ZNF180: variants seen among roughly 807,000 people sequenced by gnomAD.
ZNF180 encodes zinc finger protein 180.
ZNF180 carries 11 observed loss-of-function variants against 11.8 expected under a neutral mutation model. That is an observed-to-expected ratio of 0.93 (90% CI 0.59 to 1.55). ZNF180 has a LOEUF of 1.55. Among genes scored for constraint, ZNF180 ranks in the 40% most tolerant of loss-of-function variants. The pLI is 0.00. For synonymous variants in ZNF180, 287 were observed against 257.7 expected (o/e 1.11, Z -1.09); for missense variants, 773 against 781.7 (o/e 0.99, Z 0.13).
In ZNF180 at chr19:44,479,370, G is replaced by A. The variant is rs777717482; in HGVS notation, c.166C>T (p.Arg56Trp). 33 of 1,613,884 alleles carry A rather than the reference G, an allele frequency of 2.0e-5. No individual in the cohort carries two copies. The highest frequency in any genetic ancestry group is 1.0e-4 in the Admixed American group (6 of 60,010). The change falls in exon 4 of 5, where the codon CGG (arginine) becomes TGG (tryptophan). Residue 56 changes from arginine to tryptophan, a missense_variant. Coordinates refer to ENST00000592529, the MANE Select transcript of ZNF180 (RefSeq NM_001278509.3). ...NFKIVTVDFT[R>W]EEQGTCNPAQ... ...GGGTTGCAAGTACCCTGTTCCTCCC[G>A]TGTGAAGTCCACAGTCACAATTTTG...
At chr19:44,492,320 C>T (rs1970468878) in intron 2 of ZNF180, among the ~76,000 whole-genome samples, 1 of 152,154 alleles carries the variant, frequency 6.6e-6, no homozygotes, top group African/African-American at 2.4e-5. Flanking sequence ...GAGTTTGGGA[C>T]ATAGGAATAG....
intron 1 of ZNF180, 137 bp downstream of exon 1, chr19:44,500,138 C>T: frequency 6.2e-7 from 1 of 1,612,616 alleles, no homozygotes; most frequent in East Asian, 2.2e-5. Flanking sequence ...TCCATCAACC[C>T]CGGTGACCCG....
intron 2 of ZNF180, chr19:44,484,858 A>C (rs1568428699): frequency 1.1e-5 from 2 of 175,042 alleles, no homozygotes; most frequent in Non-Finnish European, 2.4e-5. Context: ...TCAACAAATT[A>C]ATTTCATAAG....
chr19:44,482,854 G>A (rs1970118644), intron 3 of ZNF180, among the ~76,000 whole-genome samples: 1 of 152,234 alleles, frequency 6.6e-6, no homozygotes, highest in Non-Finnish European at 1.5e-5. Context: ...AAGGGAGTCA[G>A]AGAAATTAAG....
Position 44,478,163 on chromosome 19 carries a change from TAAGACATCTTA to T in ZNF180, c.254-28_254-18del. On this transcript the variant is annotated intron_variant, in intron 4 of 4. Transcript: ENST00000592529. ...TTGCCAAGTCTGAAAGAAAGCAATA[TAAGACATCTTA>T]GTCAAAAAATATTAGAGATGGAAAA... 1 of 1,523,084 alleles carries T rather than the reference TAAGACATCTTA, an allele frequency of 6.6e-7. No individual in the cohort carries two copies. Among genetic ancestry groups the T allele is most frequent in the Non-Finnish European group, 8.8e-7 (1 of 1,140,282 alleles). 94.3% of individuals were successfully genotyped at this position (1,523,084 alleles called of 1,614,324 possible). A position where few individuals can be genotyped will look rare whatever the true frequency, so the allele number is the denominator to read the frequency against.
At chr19:44,487,552 G>A (rs905477876) in intron 2 of ZNF180, among the ~76,000 whole-genome samples, 1 of 152,124 alleles carries the variant, frequency 6.6e-6, no homozygotes, top group Non-Finnish European at 1.5e-5. Context: ...AAAAAGGAGA[G>A]GAACCCTCAG....
In ZNF180 at chr19:44,495,641, C is replaced by T. The variant is rs1458913343; in HGVS notation, c.51+1643G>A. On this transcript the variant is annotated intron_variant, in intron 2 of 4. Coordinates refer to ENST00000592529, the MANE Select transcript of ZNF180 (RefSeq NM_001278509.3). This position sits in a 1 kb window ranked among gnomAD's most constrained non-coding sequence, Gnocchi z 4.5. ...CAATGAAGCACCCCCTCTCTGGATGCCTTGCTCACCTGCTCTGACCCCATC... is the reference window on the plus strand; with the variant it reads ...CAATGAAGCACCCCCTCTCTGGATGTCTTGCTCACCTGCTCTGACCCCATC... 6.6e-6 allele frequency among the ~76,000 whole-genome samples: 1 copy of T among 152,160 alleles called. No homozygotes were observed. The highest frequency in any genetic ancestry group is 1.5e-5 in the Non-Finnish European group (1 of 68,030).
At chr19:44,493,253 TG>T (rs1432883165) in intron 2 of ZNF180, among the ~76,000 whole-genome samples, 1 of 152,210 alleles carries the variant, frequency 6.6e-6, no homozygotes, top group African/African-American at 2.4e-5. Context: ...GCAGCAGTTT[TG>T]GTCTCAGTCC....
chr19:44,498,106 T>G (rs1970636757), intron 1 of ZNF180, among the ~76,000 whole-genome samples: 1 of 152,074 alleles, frequency 6.6e-6, no homozygotes, highest in African/African-American at 2.4e-5. Context: ...AGGCCCTGAA[T>G]TTGTAGCTCT....
intron 2 of ZNF180, among the ~76,000 whole-genome samples, chr19:44,493,845 C>G (rs982039835): frequency 6.6e-6 from 1 of 152,158 alleles, no homozygotes; most frequent in Non-Finnish European, 1.5e-5. Flanking sequence ...TGTACAGCAC[C>G]TCTTGCCAAC....
chr19:44,484,840 G>A, intron 2 of ZNF180: 1 of 177,314 alleles, frequency 5.6e-6, no homozygotes, highest in African/African-American at 2.4e-5. Context: ...GAATCATAAA[G>A]AAAAAGATCA....
Position 44,477,300 on chromosome 19 carries a change from G to C in ZNF180, c.1100C>G (p.Ser367Trp). 1.9e-6 allele frequency: 3 copies of C among 1,612,444 alleles called. No homozygotes were observed. Among genetic ancestry groups the C allele is most frequent in the Non-Finnish European group, 2.5e-6 (3 of 1,178,876 alleles). ...SECGKSFSRS[S>W]HLVSHQRTHT... ...AGTTCTCTGATGGGAAACAAGGTGC[G>C]AGCTCCGGCTGAAGGATTTTCCACA... is the stretch of plus-strand genomic sequence containing the variant. Residue 367 changes from serine to tryptophan, a missense_variant, in exon 5 of 5, where the codon TCG becomes TGG. Transcript: ENST00000592529.
intron 2 of ZNF180, among the ~76,000 whole-genome samples, chr19:44,492,368 A>C (rs1970470150): frequency 7.4e-6 from 1 of 135,122 alleles, no homozygotes; most frequent in South Asian, 2.3e-4. Flanking sequence ...TATGCTCTGG[A>C]GCATCTTTAA....
rs973649940 is a variant in ZNF180 at position 44,474,718 on chromosome 19, C to T, written c.*1684G>A. 31 of 152,226 alleles carry T rather than the reference C, an allele frequency of 2.0e-4. No homozygotes were observed. Among genetic ancestry groups the T allele is most frequent in the Admixed American group, 1.7e-3 (26 of 15,286 alleles). The allele number at this position is 152,226 out of a possible 1,614,324, so 9.4% of individuals were successfully genotyped here. On this transcript the variant is annotated 3_prime_UTR_variant, in exon 5 of 5. Coordinates refer to ENST00000592529, the MANE Select transcript of ZNF180 (RefSeq NM_001278509.3). ...CATTGCAGGGGCACAGTCTTTCAAC[C>T]CCACTGGCCATGTAAGACTAGGCCT...
chr19:44,481,453 C>A (rs1970078683), intron 3 of ZNF180, among the ~76,000 whole-genome samples: 1 of 152,106 alleles, frequency 6.6e-6, no homozygotes. Flanking sequence ...ATGCATGCTT[C>A]TTTTTAATAA....
At chr19:44,500,152 C>A (rs953869927) in intron 1 of ZNF180, 123 bp downstream of exon 1, 1 of 1,613,880 alleles carries the variant, frequency 6.2e-7, no homozygotes, top group Non-Finnish European at 8.5e-7. Flanking sequence ...TGACCCGAGG[C>A]TAAAGCGCCA....
At chr19:44,481,004 T>C (rs987955747) in intron 3 of ZNF180, among the ~76,000 whole-genome samples, 6 of 152,212 alleles carry the variant, frequency 3.9e-5, no homozygotes, top group African/African-American at 1.4e-4. Flanking sequence ...TCCAGCTGCA[T>C]GGCAGAGCCT....
In ZNF180 at chr19:44,475,747, C is replaced by T. The variant is rs1234063561; in HGVS notation, c.*655G>A. 1 of 152,170 alleles carries T rather than the reference C, an allele frequency of 6.6e-6. No homozygotes were observed. Among genetic ancestry groups the T allele is most frequent in the Non-Finnish European group, 1.5e-5 (1 of 68,032 alleles). 9.4% of individuals were successfully genotyped at this position (152,170 alleles called of 1,614,324 possible). A position where few individuals can be genotyped will look rare whatever the true frequency, so the allele number is the denominator to read the frequency against. ...AACTGAGAAATTGAATAGATACATCCATAATCCCTTTCTATTCTAATCCAT... is the reference window on the plus strand; with the variant it reads ...AACTGAGAAATTGAATAGATACATCTATAATCCCTTTCTATTCTAATCCAT... On this transcript the variant is annotated 3_prime_UTR_variant, in exon 5 of 5. Transcript: ENST00000592529.
chr19:44,491,704 G>A (rs1970455160), intron 2 of ZNF180, among the ~76,000 whole-genome samples: 1 of 152,058 alleles, frequency 6.6e-6, no homozygotes, highest in Non-Finnish European at 1.5e-5. Context: ...CCAAGAAGCT[G>A]GGACTACAGA....
Sources: allele counts gnomAD v4.1 joint callset (sites outside exome capture counted in the v4.1 genomes callset), GRCh38; gene constraint gnomAD v4.1.1; non-coding constraint Gnocchi (gnomAD v3.1); transcripts MANE v1.5; gene names NCBI Gene and HGNC (gene_info 2026-07-23, HGNC 2026-07-21).